Variants in BCR observed in about 807,000 individuals in gnomAD.
BCR encodes breakpoint cluster region protein.
In BCR, 58 loss-of-function variants were observed where a neutral mutation model predicts 138.6. The observed-to-expected ratio is 0.42, with a 90% CI of 0.34 to 0.52. The LOEUF is 0.52. Ranked by LOEUF, BCR falls within the 20% of genes least tolerant of loss-of-function variation. BCR has a pLI of 0.06. For synonymous variants in BCR, 786 were observed against 730.1 expected (o/e 1.08, Z -1.23); for missense variants, 1,599 against 1,727.2 (o/e 0.93, Z 1.32).
At chr22:23,227,813 G>A (rs1343482335) in intron 1 of BCR, among the ~76,000 whole-genome samples, 1 of 152,200 alleles carries the variant, frequency 6.6e-6, no homozygotes, top group Non-Finnish European at 1.5e-5. Flanking sequence ...AGAAGCCTGG[G>A]TCATGTTGTG....
At chr22:23,264,575 G>A in intron 4 of BCR, 1 of 441,836 alleles carries the variant, frequency 2.3e-6, no homozygotes, top group Non-Finnish European at 4.1e-6. Context: ...TGGAGAGGCA[G>A]GACCTGCTGC....
At chr22:23,284,253 C>T (rs1051492481) in intron 9 of BCR, among the ~76,000 whole-genome samples, 155 bp downstream of exon 9, 16 of 152,018 alleles carry the variant, frequency 1.1e-4, no homozygotes, top group Non-Finnish European at 2.1e-4. Context: ...AAGATTGTCA[C>T]TAGCAATCTG....
chr22:23,240,378 G>T lies in BCR; in HGVS notation c.1280-13421G>T, dbSNP rs145621324. ...GTGTGAAAATATACATAGGCCGGGC[G>T]CGGTGGCTCACGCCTGTAATCCCAG... is the stretch of plus-strand genomic sequence containing the variant. On this transcript the variant is annotated intron_variant, in intron 1 of 22. Coordinates refer to ENST00000305877, the MANE Select transcript of BCR (RefSeq NM_004327.4). 6.9e-3 allele frequency among the ~76,000 whole-genome samples: 1,040 copies of T among 151,674 alleles called. 15 individuals carry two copies. The highest frequency in any genetic ancestry group is 0.024 in the African/African-American group (981 of 41,298).
chr22:23,307,223 G>A (rs2073960634), intron 16 of BCR, among the ~76,000 whole-genome samples: 1 of 152,152 alleles, frequency 6.6e-6, no homozygotes, highest in South Asian at 2.1e-4. Context: ...AGCCTCCCGA[G>A]CAGTTGGGAC....
At chr22:23,195,669 C>G (rs2072470915) in intron 1 of BCR, among the ~76,000 whole-genome samples, 1 of 152,036 alleles carries the variant, frequency 6.6e-6, no homozygotes, top group South Asian at 2.1e-4. Context: ...GGTGGATCAC[C>G]TAAGGTCAGG....
intron 4 of BCR, chr22:23,264,257 G>A (rs113157063): frequency 4.2e-5 from 40 of 942,920 alleles, no homozygotes; most frequent in African/African-American, 1.9e-4. Context: ...CGCTGACGTC[G>A]ACCCGCCTCG....
In BCR at chr22:23,181,254, G is replaced by C; in HGVS notation, c.294G>C (p.Gln98His). The stretch of plus-strand genomic sequence containing the variant: ...CCCGAGCGTCCGCGTCGCGCCCGCA[G>C]CCAGCGCCCGCCGACGGAGCCGACC... Reference protein sequence around the residue: ...SEPRASASRPQPAPADGADPP... With the variant: ...SEPRASASRPHPAPADGADPP... The change falls in exon 1 of 23, where the codon CAG (glutamine) becomes CAC (histidine). Residue 98 changes from glutamine to histidine, a missense_variant. Gln to His is a conservative substitution (Grantham distance 24). This residue lies in a region of BCR where 806 missense variants were observed against 635.0 expected (regional missense o/e 1.27). Coordinates refer to ENST00000305877, the MANE Select transcript of BCR (RefSeq NM_004327.4). The C allele has an allele frequency of 8.0e-7, 1 of 1,246,176 alleles. No homozygotes were observed. The highest frequency in any genetic ancestry group is 1.0e-6 in the Non-Finnish European group (1 of 988,664). 77.2% of individuals were successfully genotyped at this position (1,246,176 alleles called of 1,614,324 possible).
At chr22:23,313,100 G>C in intron 20 of BCR, 79 bp downstream of exon 20, 6 of 1,507,056 alleles carry the variant, frequency 4.0e-6, no homozygotes, top group Non-Finnish European at 4.5e-6. Flanking sequence ...TGAAAAGTGA[G>C]GTGTGGGAAC....
chr22:23,259,954 C>T (rs1211119110), intron 2 of BCR, among the ~76,000 whole-genome samples: 8 of 152,290 alleles, frequency 5.3e-5, no homozygotes, highest in Admixed American at 2.6e-4. Flanking sequence ...TGCCACAGCG[C>T]TCCAGCCTGA....
intron 1 of BCR, among the ~76,000 whole-genome samples, chr22:23,204,263 G>A (rs1602011462): frequency 1.3e-5 from 2 of 152,040 alleles, no homozygotes; most frequent in South Asian, 2.1e-4. Context: ...CTTGCTCTGC[G>A]TTGCCCATCT....
At chr22:23,222,875 A>T (rs1163686562) in intron 1 of BCR, among the ~76,000 whole-genome samples, 1 of 152,174 alleles carries the variant, frequency 6.6e-6, no homozygotes, top group African/African-American at 2.4e-5. Flanking sequence ...ACAAAATGCC[A>T]GGCTGGGCTG....
chr22:23,223,655 G>A (rs2072855464), intron 1 of BCR, among the ~76,000 whole-genome samples: 1 of 152,170 alleles, frequency 6.6e-6, no homozygotes, highest in Non-Finnish European at 1.5e-5. Context: ...TGGAGGGCCT[G>A]GCTCTGTGGG....
At chr22:23,264,957 T>G (rs993961423) in intron 4 of BCR, 3 of 152,062 alleles carry the variant, frequency 2.0e-5, no homozygotes, top group Non-Finnish European at 2.9e-5. Flanking sequence ...CAATTTTCAT[T>G]TTTGTAAAAA....
At chr22:23,243,930 C>G (rs141745089) in intron 1 of BCR, among the ~76,000 whole-genome samples, 1 of 152,164 alleles carries the variant, frequency 6.6e-6, no homozygotes, top group Non-Finnish European at 1.5e-5. Flanking sequence ...GCATGAGCCA[C>G]CGTGCCCGGC....
chr22:23,313,043 C>T (rs1323963292), intron 20 of BCR, 22 bp downstream of exon 20: 3 of 1,550,186 alleles, frequency 1.9e-6, no homozygotes, highest in South Asian at 1.2e-5. Flanking sequence ...AGGCCTTGGC[C>T]TCATGGGAGA....
chr22:23,284,108 G>C lies in BCR; in HGVS notation c.2237+10G>C, dbSNP rs765355772. The C allele has an allele frequency of 1.9e-6, 3 of 1,611,946 alleles. No individual in the cohort carries two copies. Among genetic ancestry groups the C allele is most frequent in the East Asian group, 2.2e-5 (1 of 44,780 alleles). On this transcript the variant is annotated intron_variant, in intron 9 of 22. Coordinates refer to ENST00000305877, the MANE Select transcript of BCR (RefSeq NM_004327.4). ...AGAAGCAGAGCGGAGGGTGAGTGACGATGTGGCCCCTGTCCCAGCAGTGAC... is the reference window on the plus strand; with the variant it reads ...AGAAGCAGAGCGGAGGGTGAGTGACCATGTGGCCCCTGTCCCAGCAGTGAC...
intron 2 of BCR, among the ~76,000 whole-genome samples, chr22:23,257,378 C>T (rs987606970): frequency 2.6e-5 from 4 of 152,338 alleles, no homozygotes; most frequent in Admixed American, 6.5e-5. Flanking sequence ...GTGGACAGAA[C>T]GAGACACAGT....
At chr22:23,182,786 A>G (rs1334287992) in intron 1 of BCR, among the ~76,000 whole-genome samples, 1 of 152,232 alleles carries the variant, frequency 6.6e-6, no homozygotes, top group African/African-American at 2.4e-5. Context: ...CTTGCTAACC[A>G]GCAGTCCTGA....
At chr22:23,252,622 G>GA (rs955004143) in intron 1 of BCR, among the ~76,000 whole-genome samples, 2 of 160 alleles carry the variant, frequency 0.013, no homozygotes, top group Non-Finnish European at 0.029. Context: ...AGTAGAGATG[G>GA]GGTTCACCAT....
Sources: allele counts gnomAD v4.1 joint callset (sites outside exome capture counted in the v4.1 genomes callset), GRCh38; gene constraint gnomAD v4.1.1; regional missense constraint gnomAD v4.1.1; transcripts MANE v1.5; gene names NCBI Gene and HGNC (gene_info 2026-07-23, HGNC 2026-07-21).